Variants in GDPD5 observed in about 807,000 individuals in gnomAD.
GDPD5 encodes glycerophosphodiester phosphodiesterase domain containing 5, also known as glycerophosphodiester phosphodiesterase 2.
Under a neutral mutation model 75.1 loss-of-function variants are expected in GDPD5, and 48 were observed. That is an observed-to-expected ratio of 0.64 (90% CI 0.51 to 0.81). The LOEUF is 0.81. Among genes scored for constraint, GDPD5 ranks in the 40% least tolerant of loss-of-function variants. The probability of loss-of-function intolerance (pLI) is 0.00; values close to 1 mark genes in which losing one functional copy is unlikely to be tolerated. For missense variants in GDPD5, 706 were observed against 822.6 expected (o/e 0.86, Z 1.73); for synonymous variants, 336 against 339.0 (o/e 0.99, Z 0.10).
intron 8 of GDPD5, 38 bp from the exon 9 acceptor site, chr11:75,449,160 C>G (rs765030079): frequency 1.1e-5 from 17 of 1,544,924 alleles, no homozygotes; most frequent in Non-Finnish European, 1.5e-5. Context: ...CTGGTGAGCC[C>G]TGGGCAGGTT....
At position 75,456,798 on chromosome 11, in the gene GDPD5, T is replaced by A. The variant is rs1949294436; in HGVS notation, c.334A>T (p.Ile112Phe). The A allele has an allele frequency of 1.2e-6, 2 of 1,614,236 alleles. No individual in the cohort carries two copies. Among genetic ancestry groups the A allele is most frequent in the African/African-American group, 1.3e-5 (1 of 75,066 alleles). Residue 112 changes from isoleucine to phenylalanine, a missense_variant, in exon 6 of 17, where the codon ATT becomes TTT. By Grantham distance (21) the Ile-to-Phe change is conservative (BLOSUM62 0). Coordinates refer to ENST00000336898, the MANE Select transcript of GDPD5 (RefSeq NM_030792.8). Reference sequence around the variant, plus strand: ...AGGTTCATCTGCTGCCCCACGGCAATGTGACATAGTGCCAGGACCTGAGGA... The same window carrying A: ...AGGTTCATCTGCTGCCCCACGGCAAAGTGACATAGTGCCAGGACCTGAGGA... ...AGLLVLALCHIAVGQQMNLHW... is the reference protein window; with the variant it reads ...AGLLVLALCHFAVGQQMNLHW...
At chr11:75,444,545 C>T (rs761905763) in intron 9 of GDPD5, 50 bp from the exon 10 acceptor site, 1 of 1,346,224 alleles carries the variant, frequency 7.4e-7, no homozygotes, top group South Asian at 1.2e-5. Context: ...GCTGATGTAC[C>T]CTCCCCAGCC....
At chr11:75,494,159 T>C (rs1293982862) in intron 1 of GDPD5, among the ~76,000 whole-genome samples, 1 of 152,136 alleles carries the variant, frequency 6.6e-6, no homozygotes, top group African/African-American at 2.4e-5. Flanking sequence ...AAAAACACTC[T>C]TGAAAACATA....
chr11:75,472,178 C>T (rs1044372739), intron 3 of GDPD5, among the ~76,000 whole-genome samples: 2 of 152,098 alleles, frequency 1.3e-5, no homozygotes, highest in Admixed American at 1.3e-4. Context: ...AACCCACAAG[C>T]AAGCTCAGGC....
intron 2 of GDPD5, among the ~76,000 whole-genome samples, chr11:75,479,089 T>C (rs999843080): frequency 6.6e-6 from 1 of 152,192 alleles, no homozygotes; most frequent in African/African-American, 2.4e-5. Context: ...ACCCTGGAGA[T>C]ATCTGTGGGA....
In GDPD5 at chr11:75,441,281, T is replaced by G. The variant is rs1948792208; in HGVS notation, c.1355A>C (p.Asn452Thr). The change falls in exon 14 of 17, where the codon AAC (asparagine) becomes ACC (threonine). Residue 452 changes from asparagine (N) to threonine (T), a missense_variant. By Grantham distance (65) the Asn-to-Thr change is moderately conservative. Transcript: ENST00000336898. Reference protein sequence around the residue: ...RDYASWNLSVNLYTVNAPWLF... With the variant: ...RDYASWNLSVTLYTVNAPWLF... Reference sequence around the variant, plus strand: ...CCACGGTGCGTTGACTGTGTAGAGGTTCACACTCAGGTTCCAGGACGCGTA... The same window carrying G: ...CCACGGTGCGTTGACTGTGTAGAGGGTCACACTCAGGTTCCAGGACGCGTA... 6.2e-7 allele frequency: 1 copy of G among 1,613,980 alleles called. No individual in the cohort carries two copies. The highest frequency in any genetic ancestry group is 8.5e-7 in the Non-Finnish European group (1 of 1,179,970).
At chr11:75,523,010 G>T (rs1267782250) in intron 1 of GDPD5, among the ~76,000 whole-genome samples, 2 of 152,130 alleles carry the variant, frequency 1.3e-5, no homozygotes, top group African/African-American at 4.8e-5. Context: ...AGGTCTCTGA[G>T]CCTGCCCTGC....
intron 14 of GDPD5, 121 bp downstream of exon 14, chr11:75,441,042 C>A: frequency 1.0e-6 from 1 of 959,256 alleles, no homozygotes; most frequent in Non-Finnish European, 1.6e-6. Context: ...CCACCATGGA[C>A]TCCCCACCAT....
intron 3 of GDPD5, among the ~76,000 whole-genome samples, chr11:75,468,820 A>G (rs1298804801): frequency 6.6e-6 from 1 of 152,166 alleles, no homozygotes; most frequent in Non-Finnish European, 1.5e-5. Flanking sequence ...GAATACACAA[A>G]AGAGCTGGAT....
chr11:75,501,506 G>A lies in GDPD5; in HGVS notation c.-144-11186C>T, dbSNP rs115513618. Among the ~76,000 whole-genome samples the A allele has an allele frequency of 3.7e-3, 558 of 152,376 alleles. 5 individuals carry two copies. Among genetic ancestry groups the A allele is most frequent in the African/African-American group, 0.013 (540 of 41,592 alleles). Reference sequence around the variant, plus strand: ...GGGACACAAACATCCTGGAAACAGGGACTCGGGCCATGGCCTCGCTCAGAG... The same window carrying A: ...GGGACACAAACATCCTGGAAACAGGAACTCGGGCCATGGCCTCGCTCAGAG... On this transcript the variant is annotated intron_variant, in intron 1 of 16. Transcript: ENST00000336898.
chr11:75,487,346 G>A (rs1950037646), intron 2 of GDPD5, among the ~76,000 whole-genome samples: 1 of 152,216 alleles, frequency 6.6e-6, no homozygotes, highest in Non-Finnish European at 1.5e-5. Context: ...AGACCTAGGG[G>A]CAGGAAGGAA....
chr11:75,523,563 T>C (rs978087796), intron 1 of GDPD5, among the ~76,000 whole-genome samples: 1 of 152,182 alleles, frequency 6.6e-6, no homozygotes, highest in Non-Finnish European at 1.5e-5. Context: ...CAGCCTGCCA[T>C]AACCTATTTT....
chr11:75,441,274 G>A lies in GDPD5; in HGVS notation c.1362C>T (p.Tyr454=), dbSNP rs1157452264. The A allele has an allele frequency of 2.5e-6, 4 of 1,614,046 alleles. No homozygotes were observed. The highest frequency in any genetic ancestry group is 1.7e-6 in the Non-Finnish European group (2 of 1,180,034). ...AGAAGAGCCACGGTGCGTTGACTGT[G>A]TAGAGGTTCACACTCAGGTTCCAGG... is the stretch of plus-strand genomic sequence containing the variant. ...YASWNLSVNL[Y]TVNAPWLFSL... is the part of the protein sequence containing the mutation. The change falls in exon 14 of 17, where the codon TAC becomes TAT. Residue 454 remains tyrosine (Y), a synonymous_variant. Coordinates refer to ENST00000336898, the MANE Select transcript of GDPD5 (RefSeq NM_030792.8).
At chr11:75,492,940 G>A (rs1950136506) in intron 1 of GDPD5, among the ~76,000 whole-genome samples, 1 of 152,094 alleles carries the variant, frequency 6.6e-6, no homozygotes, top group Non-Finnish European at 1.5e-5. Flanking sequence ...ATGTTGGCCA[G>A]GCTGGTCTTG....
Position 75,444,246 on chromosome 11 carries a change from A to G in GDPD5, c.797+167T>C, listed in dbSNP as rs1214291538. Among the ~76,000 whole-genome samples the G allele has an allele frequency of 2.0e-5, 3 of 152,036 alleles. No individual in the cohort carries two copies. The East Asian group carries it at 5.8e-4, about 29-fold the overall frequency. ...GCATTTGTTCTTTCCTCTATTTTAC[A>G]TCCTGGAGTCTGCAGGAACAGGGTG... On this transcript the variant is annotated intron_variant, in intron 10 of 16. Coordinates refer to ENST00000336898, the MANE Select transcript of GDPD5 (RefSeq NM_030792.8).
Position 75,477,694 on chromosome 11 carries a change from C to G in GDPD5, c.42G>C (p.Leu14=), listed in dbSNP as rs1949809907. The part of the protein sequence containing the change: ...HQPLQYYEPQ[L]CLSCLTGIYG... The stretch of plus-strand genomic sequence containing the variant: ...AGATGCCCGTGAGGCAGGAGAGGCA[C>G]AGCTGTGGCTCGTAGTACTGCAGGG... The change falls in exon 3 of 17, where the codon CTG becomes CTC. Residue 14 remains leucine, a synonymous_variant. Coordinates refer to ENST00000336898, the MANE Select transcript of GDPD5 (RefSeq NM_030792.8). The G allele has an allele frequency of 4.4e-6, 7 of 1,597,860 alleles. No individual in the cohort carries two copies. The highest frequency in any genetic ancestry group is 5.1e-6 in the Non-Finnish European group (6 of 1,167,994).
intron 3 of GDPD5, among the ~76,000 whole-genome samples, chr11:75,475,307 T>C (rs1448200163): frequency 6.6e-6 from 1 of 151,124 alleles, no homozygotes; most frequent in African/African-American, 2.4e-5. Context: ...GCGGGGGTGG[T>C]GAGAATAAGG....
At chr11:75,510,596 C>G (rs552649548) in intron 1 of GDPD5, among the ~76,000 whole-genome samples, 1 of 152,192 alleles carries the variant, frequency 6.6e-6, no homozygotes, top group Non-Finnish European at 1.5e-5. Context: ...TGCCTCCTTT[C>G]ACCTCTGCTC....
intron 1 of GDPD5, among the ~76,000 whole-genome samples, chr11:75,523,388 A>T (rs988384253): frequency 3.9e-5 from 6 of 152,190 alleles, no homozygotes; most frequent in Non-Finnish European, 8.8e-5. Context: ...AAACAGTTCT[A>T]CAAGCAAACT....
Sources: gnomAD v4.1 joint callset for allele counts (sites outside exome capture counted in the v4.1 genomes callset) on GRCh38, gnomAD v4.1.1 for gene constraint, MANE v1.5 for transcripts, NCBI Gene and HGNC (gene_info 2026-07-23, HGNC 2026-07-21) for gene names.